SLC8A1: variants seen among roughly 807,000 people sequenced by gnomAD.
SLC8A1 encodes sodium/calcium exchanger 1.
SLC8A1 carries 18 observed loss-of-function variants against 68.3 expected under a neutral mutation model. The ratio of observed to expected loss-of-function variants is 0.26; its 90% CI spans 0.18 to 0.39. The LOEUF (loss-of-function observed/expected upper bound fraction) is 0.39, where lower values mean the gene tolerates loss of function less well. SLC8A1 is among the 10% of genes least tolerant of loss of function. The pLI is 1.00. For missense variants in SLC8A1, 985 were observed against 1,156.7 expected, an observed-to-expected ratio of 0.85 and a Z score of 2.15; for synonymous variants, 475 against 415.5, an observed-to-expected ratio of 1.14 and a Z score of -1.74.
chr2:40,253,151 A>G (rs1226829800), intron 2 of SLC8A1, among the ~76,000 whole-genome samples: 1 of 106,354 alleles, frequency 9.4e-6, no homozygotes, highest in Non-Finnish European at 2.0e-5. Context: ...ATGTATATAC[A>G]TACATATATA....
intron 2 of SLC8A1, among the ~76,000 whole-genome samples, chr2:40,380,799 C>T (rs1681490946): frequency 6.6e-6 from 1 of 152,076 alleles, no homozygotes; most frequent in Non-Finnish European, 1.5e-5. Flanking sequence ...AACCTGGCTA[C>T]AGCTAGATCT....
At chr2:40,202,528 A>C (rs1447277062) in intron 2 of SLC8A1, among the ~76,000 whole-genome samples, 1 of 152,026 alleles carries the variant, frequency 6.6e-6, no homozygotes, top group Admixed American at 6.6e-5. Context: ...TAGAAGGGGA[A>C]ACAATCAAGA....
intron 2 of SLC8A1, among the ~76,000 whole-genome samples, chr2:40,299,382 C>A (rs142379557): frequency 4.9e-4 from 74 of 152,302 alleles, no homozygotes; most frequent in African/African-American, 1.7e-3. Flanking sequence ...TGTCAGCAGT[C>A]AGACTCTCCT....
Position 40,148,751 on chromosome 2 carries a change from G to A in SLC8A1, c.2162-9075C>T, listed in dbSNP as rs2042909294. Reference sequence around the variant, plus strand: ...CTTTCTCTTTTGTGCTATTGGAAAGGTATAAACAAGATTTTTAAGAGAAGT... The same window carrying A: ...CTTTCTCTTTTGTGCTATTGGAAAGATATAAACAAGATTTTTAAGAGAAGT... On this transcript the variant is annotated intron_variant, in intron 6 of 7. Transcript: ENST00000406785. Among the ~76,000 whole-genome samples, 3 of 152,180 alleles carry A rather than the reference G, an allele frequency of 2.0e-5. No homozygotes were observed. In the South Asian group the frequency reaches 6.2e-4, roughly 31 times the overall value.
chr2:40,465,375 C>T (rs1703605955), intron 1 of SLC8A1, among the ~76,000 whole-genome samples: 1 of 152,090 alleles, frequency 6.6e-6, no homozygotes, highest in South Asian at 2.1e-4. Context: ...AATATAACTA[C>T]TGTGTATATT....
intron 2 of SLC8A1, among the ~76,000 whole-genome samples, chr2:40,192,898 G>A (rs1013970354): frequency 1.3e-5 from 2 of 152,080 alleles, no homozygotes; most frequent in African/African-American, 4.8e-5. Context: ...ATACAATCCT[G>A]GGTCTTCAGA....
chr2:40,339,353 G>A (rs1347346993), intron 2 of SLC8A1, among the ~76,000 whole-genome samples: 1 of 152,184 alleles, frequency 6.6e-6, no homozygotes, highest in African/African-American at 2.4e-5. Context: ...CAGGAGGAAA[G>A]GATATCAGAA....
Position 40,218,190 on chromosome 2 carries a change from T to A in SLC8A1, c.1809-40335A>T, listed in dbSNP as rs532554900. 1.4e-4 allele frequency among the ~76,000 whole-genome samples: 22 copies of A among 152,318 alleles called. No homozygotes were observed. The East Asian group carries it at 3.5e-3, about 24-fold the overall frequency. The stretch of plus-strand genomic sequence containing the variant: ...AGATCTAAGTTACACTTTATCAGTA[T>A]TTATTCTTCCTGCTACCTATTAAGG... On this transcript the variant is annotated intron_variant, in intron 2 of 7. Coordinates refer to ENST00000406785, the Ensembl canonical transcript of SLC8A1.
At chr2:40,430,256 G>T (rs773071951) in exon 2 of SLC8A1, 1 of 1,612,606 alleles carries the variant, frequency 6.2e-7, no homozygotes, top group South Asian at 1.1e-5. Context: ...GTGGGTGAAA[G>T]ACTTAATCGC....
intron 7 of SLC8A1, among the ~76,000 whole-genome samples, chr2:40,131,131 A>T (rs1400881589): frequency 6.6e-6 from 1 of 152,180 alleles, no homozygotes; most frequent in Non-Finnish European, 1.5e-5. Context: ...CAACTCTGTG[A>T]GATGGATTTT....
chr2:40,332,222 G>C (rs986242636), intron 2 of SLC8A1, among the ~76,000 whole-genome samples: 1 of 152,098 alleles, frequency 6.6e-6, no homozygotes, highest in Non-Finnish European at 1.5e-5. Flanking sequence ...TCACAGGCTA[G>C]GTCTACGTAA....
intron 2 of SLC8A1, among the ~76,000 whole-genome samples, chr2:40,410,209 G>C (rs2149695831): frequency 6.6e-6 from 1 of 151,896 alleles, no homozygotes. Context: ...CCCCTCCGAG[G>C]GCAATGAAAG....
intron 5 of SLC8A1, 72 bp downstream of exon 8, chr2:40,164,782 T>G (rs1452249830): frequency 6.3e-7 from 1 of 1,574,852 alleles, no homozygotes; most frequent in Non-Finnish European, 8.6e-7. Context: ...ATCTTAAGCT[T>G]TGGCCAACCC....
At chr2:40,376,629 C>A (rs142862494) in intron 2 of SLC8A1, among the ~76,000 whole-genome samples, 1 of 148,898 alleles carries the variant, frequency 6.7e-6, no homozygotes, top group Non-Finnish European at 1.5e-5. Context: ...CACGCTGTGG[C>A]AGATGCAACC....
intron 1 of SLC8A1, among the ~76,000 whole-genome samples, chr2:40,467,052 CCCA>C (rs1352351292): frequency 6.6e-6 from 1 of 151,362 alleles, no homozygotes; most frequent in Admixed American, 6.6e-5. Context: ...AGAGTGAAAT[CCCA>C]CCTGGTGCAC....
At chr2:40,268,951 T>C (rs2065693573) in intron 2 of SLC8A1, among the ~76,000 whole-genome samples, 1 of 152,178 alleles carries the variant, frequency 6.6e-6, no homozygotes, top group Non-Finnish European at 1.5e-5. Flanking sequence ...GAGAGCAGCA[T>C]GAAATTAAGG....
chr2:40,326,508 C>T (rs2075842195), intron 2 of SLC8A1, among the ~76,000 whole-genome samples: 1 of 152,074 alleles, frequency 6.6e-6, no homozygotes, highest in Non-Finnish European at 1.5e-5. Flanking sequence ...AAAAACCTTT[C>T]TTCTCTGCCT....
intron 2 of SLC8A1, among the ~76,000 whole-genome samples, chr2:40,363,841 T>C (rs1675269883): frequency 6.6e-6 from 1 of 152,038 alleles, no homozygotes; most frequent in South Asian, 2.1e-4. Flanking sequence ...GCTGATTGAC[T>C]CTGAACAGTC....
intron 2 of SLC8A1, among the ~76,000 whole-genome samples, chr2:40,351,501 C>T (rs17464387): frequency 0.021 from 3,225 of 151,864 alleles, 67 homozygotes; most frequent in Admixed American, 0.055. Context: ...CCTGTGATGC[C>T]GCCAGTATTC....
Sources: allele counts gnomAD v4.1 joint callset (sites outside exome capture counted in the v4.1 genomes callset), GRCh38; gene constraint gnomAD v4.1.1; transcripts MANE v1.5; gene names NCBI Gene and HGNC (gene_info 2026-07-23, HGNC 2026-07-21).